Variants in PAK1 observed in about 807,000 individuals in gnomAD.
PAK1 encodes the protein p21 (RAC1) activated kinase 1, also known as serine/threonine-protein kinase PAK 1.
PAK1 carries 29 observed loss-of-function variants against 67.4 expected under a neutral mutation model. The ratio of observed to expected loss-of-function variants is 0.43; its 90% confidence interval spans 0.32 to 0.59. The LOEUF is 0.59. Among genes scored for constraint, PAK1 ranks in the 20% least tolerant of loss-of-function variants. PAK1 has a pLI of 0.07. For missense variants in PAK1, 337 were observed against 670.7 expected (o/e 0.50, Z 5.50); for synonymous variants, 223 against 237.4 (o/e 0.94, Z 0.56).
chr11:77,486,263 G>A, the PAK1 span, among the ~76,000 whole-genome samples: 30 of 152,060 alleles, frequency 2.0e-4, no homozygotes, highest in African/African-American at 7.0e-4. Flanking sequence ...CACTTTGGGA[G>A]GCTGAGATGG....
chr11:77,482,146 G>T, the PAK1 span, among the ~76,000 whole-genome samples: 1 of 151,788 alleles, frequency 6.6e-6, no homozygotes, highest in African/African-American at 2.4e-5. Context: ...ACCCCACCAC[G>T]CCCAGTTAAT....
rs187892769 is a variant in PAK1 at position 77,404,721 on chromosome 11, A to G, written c.-21-12180T>C. ...GTGTTCTTCCTCTCATCCGAAGCCA[A>G]TTCTCTCTTATCCCTGTATTCCTTC... On this transcript the variant is annotated intron_variant, in intron 1 of 14. Coordinates refer to ENST00000356341, the MANE Select transcript of PAK1 (RefSeq NM_002576.5). 2.0e-3 allele frequency among the ~76,000 whole-genome samples: 312 copies of G among 152,272 alleles called. 2 individuals are homozygous for G. The highest frequency in any genetic ancestry group is 7.1e-3 in the African/African-American group (297 of 41,558).
At chr11:77,460,103 A>C (rs1380861074) in intron 1 of PAK1, among the ~76,000 whole-genome samples, 1 of 151,796 alleles carries the variant, frequency 6.6e-6, no homozygotes, top group African/African-American at 2.4e-5. Context: ...ACCAGGGGTA[A>C]AGAACAGGTG....
the PAK1 span, among the ~76,000 whole-genome samples, chr11:77,503,815 C>T: frequency 6.6e-6 from 1 of 152,218 alleles, no homozygotes; most frequent in Non-Finnish European, 1.5e-5. Context: ...TCGCACCACT[C>T]AACTCCAGTC....
intron 10 of PAK1, 141 bp downstream of exon 10, chr11:77,343,678 T>G: frequency 1.6e-6 from 1 of 640,382 alleles, no homozygotes; most frequent in East Asian, 2.7e-5. Context: ...TTACACAGGG[T>G]CACATACAGA....
the PAK1 span, among the ~76,000 whole-genome samples, chr11:77,495,377 G>A: frequency 3.9e-5 from 6 of 151,960 alleles, no homozygotes; most frequent in Admixed American, 1.3e-4. Context: ...AAGAGGCTGA[G>A]GCAGGAGACT....
intron 2 of PAK1, 93 bp from the exon 3 acceptor site, chr11:77,380,087 G>C (rs1171591720): frequency 1.2e-6 from 1 of 827,062 alleles, no homozygotes; most frequent in Non-Finnish European, 1.9e-6. Context: ...GTCTCCTTGA[G>C]AGGGCAAAGT....
At chr11:77,466,119 ATGGAC>A (rs1957583767) in intron 1 of PAK1, among the ~76,000 whole-genome samples, 1 of 152,168 alleles carries the variant, frequency 6.6e-6, no homozygotes, top group African/African-American at 2.4e-5. Flanking sequence ...ACTGTTACTG[ATGGAC>A]TACATCCCAG....
chr11:77,516,939 A>C, the PAK1 span, among the ~76,000 whole-genome samples: 4 of 151,948 alleles, frequency 2.6e-5, no homozygotes, highest in African/African-American at 9.7e-5. Flanking sequence ...TCAGGAGTTC[A>C]AGGCTGCAGT....
chr11:77,355,289 T>G (rs1945857745), intron 7 of PAK1, among the ~76,000 whole-genome samples: 2 of 152,234 alleles, frequency 1.3e-5, no homozygotes, highest in Non-Finnish European at 1.5e-5. Context: ...CGTCTTCTCC[T>G]AGGTCAATGG....
the PAK1 span, among the ~76,000 whole-genome samples, chr11:77,514,519 C>A: frequency 6.6e-6 from 1 of 152,068 alleles, no homozygotes. Flanking sequence ...AAGACAGTCA[C>A]CTGTGCTGGC....
the PAK1 span, among the ~76,000 whole-genome samples, chr11:77,490,259 G>A: frequency 6.7e-6 from 1 of 148,358 alleles, no homozygotes; most frequent in Non-Finnish European, 1.5e-5. Flanking sequence ...CGCCCGGCCA[G>A]CCGCCCCGTC....
At chr11:77,402,577 T>TA (rs916305203) in intron 1 of PAK1, among the ~76,000 whole-genome samples, 13 of 151,980 alleles carry the variant, frequency 8.6e-5, no homozygotes, top group Admixed American at 1.3e-4. Flanking sequence ...TTGAGGCCTG[T>TA]AAGGCCTCAT....
chr11:77,322,845 G>A lies in PAK1; in HGVS notation c.*429C>T, dbSNP rs542034236. 20 of 470,062 alleles carry A rather than the reference G, an allele frequency of 4.3e-5. No homozygotes were observed. The highest frequency in any genetic ancestry group is 3.7e-4 in the African/African-American group (19 of 51,682). 29.1% of individuals were successfully genotyped at this position (470,062 alleles called of 1,614,324 possible). On this transcript the variant is annotated 3_prime_UTR_variant, in exon 15 of 15. Transcript: ENST00000356341. ...TTTTCAAGTACAATGAGGTGTCTGG[G>A]CAGTTGAGTCACAGAAAAGCAAGCA...
chr11:77,420,578 AG>A (rs1179963289), intron 1 of PAK1, among the ~76,000 whole-genome samples: 2 of 152,184 alleles, frequency 1.3e-5, no homozygotes, highest in Non-Finnish European at 2.9e-5. Context: ...TTTGTCTATC[AG>A]CCCCCACAAG....
the PAK1 span, among the ~76,000 whole-genome samples, chr11:77,507,894 T>C: frequency 6.6e-6 from 1 of 152,144 alleles, no homozygotes; most frequent in South Asian, 2.1e-4. Flanking sequence ...TGCAATAATC[T>C]CAAGAGTATA....
At chr11:77,481,605 G>T in the PAK1 span, among the ~76,000 whole-genome samples, 1 of 148,826 alleles carries the variant, frequency 6.7e-6, no homozygotes, top group Non-Finnish European at 1.5e-5. Flanking sequence ...AACCCGGGAG[G>T]CAGAGGTTGC....
the PAK1 span, among the ~76,000 whole-genome samples, chr11:77,489,381 CCCTCCCT>C: frequency 1.4e-5 from 2 of 146,688 alleles, no homozygotes; most frequent in African/African-American, 5.0e-5. Context: ...CTCCTATCTC[CCCTCCCT>C]CCTCTCTCCT....
chr11:77,408,641 C>T (rs906479045), intron 1 of PAK1, among the ~76,000 whole-genome samples: 1 of 152,086 alleles, frequency 6.6e-6, no homozygotes, highest in Admixed American at 6.6e-5. Context: ...CCCTCTAACT[C>T]CCCCACTTTA....
Sources: gnomAD v4.1 joint callset for allele counts (sites outside exome capture counted in the v4.1 genomes callset) on GRCh38, gnomAD v4.1.1 for gene constraint, MANE v1.5 for transcripts, NCBI Gene and HGNC (gene_info 2026-07-23, HGNC 2026-07-21) for gene names.